The following UBE2W variants were observed in gnomAD, a reference collection of about 807,000 sequenced individuals.
The protein encoded by UBE2W is ubiquitin-conjugating enzyme E2 W.
A neutral mutation model predicts 27.2 loss-of-function variants in UBE2W; 18 were observed. The observed-to-expected ratio is 0.66, with a 90% CI of 0.46 to 0.98. The LOEUF (loss-of-function observed/expected upper bound fraction) is 0.98. UBE2W is among the 50% of genes least tolerant of loss of function. The pLI is 0.00. For synonymous variants in UBE2W, 53 were observed against 57.2 expected (o/e 0.93, Z 0.33); for missense variants, 90 against 180.2 (o/e 0.50, Z 2.87).
downstream of UBE2W, among the ~76,000 whole-genome samples, chr8:73,783,479 C>A (rs1247658191): frequency 6.6e-6 from 1 of 152,226 alleles, no homozygotes; most frequent in East Asian, 1.9e-4. Flanking sequence ...AGTGCCTTGG[C>A]ATCTTTTTTT....
At chr8:73,854,289 A>T (rs1221970965) in intron 1 of UBE2W, among the ~76,000 whole-genome samples, 1 of 152,194 alleles carries the variant, frequency 6.6e-6, no homozygotes, top group Admixed American at 6.5e-5. Flanking sequence ...AAATAAATAA[A>T]TAAAGTGGAA....
chr8:73,875,773 C>T (rs1044502290), intron 1 of UBE2W, among the ~76,000 whole-genome samples: 5 of 152,186 alleles, frequency 3.3e-5, no homozygotes, highest in South Asian at 4.1e-4. Context: ...CACTTGGCCG[C>T]GTGCAGTGGC....
downstream of UBE2W, chr8:73,786,127 GATGT>G: frequency 1.3e-6 from 1 of 751,998 alleles, no homozygotes; most frequent in Non-Finnish European, 1.6e-6. Context: ...TGGTTCCTGA[GATGT>G]ATTTAGTTTA....
intron 1 of UBE2W, among the ~76,000 whole-genome samples, chr8:73,860,890 CTCAGGAGGCCAAG>C (rs1207115851): frequency 6.6e-6 from 1 of 152,104 alleles, no homozygotes; most frequent in Admixed American, 6.6e-5. Context: ...ACCCCAGCAC[CTCAGGAGGCCAAG>C]GGAGGAGGAT....
At chr8:73,782,353 T>C (rs1371042292), downstream of UBE2W, among the ~76,000 whole-genome samples, 1 of 152,192 alleles carries the variant, frequency 6.6e-6, no homozygotes, top group African/African-American at 2.4e-5. Context: ...ACAATCAAGA[T>C]AATGAACATA....
chr8:73,825,996 C>T (rs554617055), intron 2 of UBE2W, among the ~76,000 whole-genome samples: 30 of 152,226 alleles, frequency 2.0e-4, no homozygotes, highest in African/African-American at 6.3e-4. Flanking sequence ...TACGTATAGA[C>T]AATGACCACA....
intron 5 of UBE2W, among the ~76,000 whole-genome samples, chr8:73,800,274 C>T (rs1252504394): frequency 6.6e-6 from 1 of 152,130 alleles, no homozygotes. Context: ...ATTTCCATTC[C>T]TTGATTGCTA....
In UBE2W at chr8:73,878,803, C is replaced by G. The variant is rs1028829572; in HGVS notation, c.15+5G>C. The G allele has an allele frequency of 6.4e-7, 1 of 1,550,498 alleles. No individual in the cohort carries two copies. The highest frequency in any genetic ancestry group is 1.4e-5 in the African/African-American group (1 of 73,032). On this transcript the variant is annotated splice_donor_5th_base_variant and intron_variant, in intron 1 of 5. Coordinates refer to ENST00000602593, the MANE Select transcript of UBE2W (RefSeq NM_018299.6). ...GCCCGCCCAGATGCAGCAAACTCCT[C>G]TCACCTGCATTGACGCCATGATGGA...
chr8:73,803,422 C>T (rs890763417), intron 5 of UBE2W, among the ~76,000 whole-genome samples: 2 of 152,132 alleles, frequency 1.3e-5, no homozygotes, highest in Non-Finnish European at 2.9e-5. Flanking sequence ...AACTGTATTT[C>T]AATGATCTGT....
At chr8:73,795,113 G>A (rs1362495380) in intron 5 of UBE2W, among the ~76,000 whole-genome samples, 1 of 152,086 alleles carries the variant, frequency 6.6e-6, no homozygotes, top group East Asian at 1.9e-4. Flanking sequence ...AAGACTGGTG[G>A]CCAAGAGTTG....
chr8:73,812,669 A>G (rs1368444323), intron 3 of UBE2W, among the ~76,000 whole-genome samples: 5 of 152,164 alleles, frequency 3.3e-5, no homozygotes, highest in Non-Finnish European at 7.3e-5. Context: ...TCATTAAAAC[A>G]CAAGCAATAC....
At chr8:73,806,988 C>G (rs1441116584) in intron 4 of UBE2W, among the ~76,000 whole-genome samples, 2 of 151,990 alleles carry the variant, frequency 1.3e-5, no homozygotes, top group African/African-American at 4.8e-5. Flanking sequence ...AAAGTGATGC[C>G]AACAACACTG....
At chr8:73,842,183 T>C (rs576486196) in intron 1 of UBE2W, among the ~76,000 whole-genome samples, 1 of 152,070 alleles carries the variant, frequency 6.6e-6, no homozygotes, top group African/African-American at 2.4e-5. Context: ...TATCCATCAA[T>C]AGGTAAATTA....
At chr8:73,860,370 A>C (rs1811490596) in intron 1 of UBE2W, among the ~76,000 whole-genome samples, 1 of 152,208 alleles carries the variant, frequency 6.6e-6, no homozygotes, top group Non-Finnish European at 1.5e-5. Flanking sequence ...TAAGGCAAGA[A>C]GGCAATATAC....
In UBE2W at chr8:73,810,555, T is replaced by C. The variant is rs1182913140; in HGVS notation, c.285A>G (p.Leu95=). 8 of 1,613,128 alleles carry C rather than the reference T, an allele frequency of 5.0e-6. No individual in the cohort carries two copies. The highest frequency in any genetic ancestry group is 6.8e-6 in the Non-Finnish European group (8 of 1,179,544). ...YSNGHICLSI[L]TEDWSPALSV... Reference sequence around the variant, plus strand: ...AGAGCGCTGGGGACCAGTCTTCTGTTAGAATGGATAAACAGATATGACCAT... The same window carrying C: ...AGAGCGCTGGGGACCAGTCTTCTGTCAGAATGGATAAACAGATATGACCAT... The change falls in exon 4 of 6, where the codon CTA becomes CTG. Residue 95 remains leucine, a synonymous_variant. Coordinates refer to ENST00000602593, the MANE Select transcript of UBE2W (RefSeq NM_018299.6).
At chr8:73,838,555 C>T (rs144934126) in intron 1 of UBE2W, among the ~76,000 whole-genome samples, 1 of 152,278 alleles carries the variant, frequency 6.6e-6, no homozygotes, top group Non-Finnish European at 1.5e-5. Flanking sequence ...GCCTGCACAA[C>T]AAAGTGAGAC....
Position 73,788,131 on chromosome 8 carries a change from A to C in UBE2W, c.*5971T>G. On this transcript the variant is annotated 3_prime_UTR_variant, in exon 6 of 6. Coordinates refer to ENST00000602593, the MANE Select transcript of UBE2W (RefSeq NM_018299.6). Reference sequence around the variant, plus strand: ...GTATTCAAGTCTACAGAAAAAATCCAATAACAACTGCTTTATTATTAAAAG... The same window carrying C: ...GTATTCAAGTCTACAGAAAAAATCCCATAACAACTGCTTTATTATTAAAAG... 1 of 982,944 alleles carries C rather than the reference A, an allele frequency of 1.0e-6. No homozygotes were observed. Among genetic ancestry groups the C allele is most frequent in the Non-Finnish European group, 1.2e-6 (1 of 827,658 alleles). 60.9% of individuals were successfully genotyped at this position (982,944 alleles called of 1,614,324 possible). A position where few individuals can be genotyped will look rare whatever the true frequency, so the allele number is the denominator to read the frequency against.
intron 3 of UBE2W, among the ~76,000 whole-genome samples, chr8:73,812,964 C>T (rs1809216618): frequency 6.7e-6 from 1 of 150,128 alleles, no homozygotes; most frequent in Non-Finnish European, 1.5e-5. Flanking sequence ...GAGATCGCAC[C>T]ACCGCACTCC....
Position 73,788,318 on chromosome 8 carries a change from T to A in UBE2W, c.*5784A>T. On this transcript the variant is annotated 3_prime_UTR_variant, in exon 6 of 6. Coordinates refer to ENST00000602593, the MANE Select transcript of UBE2W (RefSeq NM_018299.6). Reference sequence around the variant, plus strand: ...AACTTGAGTTTATAAAATATATACATCCACCCTATTCAAATCCTCAAGCAT... The same window carrying A: ...AACTTGAGTTTATAAAATATATACAACCACCCTATTCAAATCCTCAAGCAT... The A allele has an allele frequency of 1.0e-6, 1 of 985,222 alleles. No individual in the cohort carries two copies. Among genetic ancestry groups the A allele is most frequent in the Non-Finnish European group, 1.2e-6 (1 of 829,728 alleles). 61.0% of individuals were successfully genotyped at this position (985,222 alleles called of 1,614,324 possible). A position where few individuals can be genotyped will look rare whatever the true frequency, so the allele number is the denominator to read the frequency against.
Sources: gnomAD v4.1 joint callset for allele counts (sites outside exome capture counted in the v4.1 genomes callset) on GRCh38, gnomAD v4.1.1 for gene constraint, MANE v1.5 for transcripts, NCBI Gene and HGNC (gene_info 2026-07-23, HGNC 2026-07-21) for gene names.